NAV1: variants seen among roughly 807,000 people sequenced by gnomAD.
The protein encoded by NAV1 is pore membrane and/or filament interacting like protein 3.
Under a neutral mutation model 175.2 loss-of-function variants are expected in NAV1, and 18 were observed. The ratio of observed to expected loss-of-function variants is 0.10; its 90% CI spans 0.07 to 0.15. The LOEUF is 0.15. Ranked by LOEUF, NAV1 falls within the 10% of genes least tolerant of loss-of-function variation. The pLI is 1.00. For synonymous variants in NAV1, 897 were observed against 978.7 expected (o/e 0.92, Z 1.56); for missense variants, 1,731 against 2,436.6 (o/e 0.71, Z 6.10).
chr1:201,560,923 A>C (rs987149529), intron 1 of NAV1, among the ~76,000 whole-genome samples: 1 of 152,196 alleles, frequency 6.6e-6, no homozygotes, highest in Non-Finnish European at 1.5e-5. Context: ...CTCAGGGAAC[A>C]TAGTCAGCAT....
upstream of NAV1, among the ~76,000 whole-genome samples, chr1:201,644,328 C>G (rs1288059778): frequency 6.6e-6 from 1 of 152,190 alleles, no homozygotes; most frequent in Non-Finnish European, 1.5e-5. Flanking sequence ...TTAGGAATCA[C>G]TCGAGGAACC....
chr1:201,780,055 A>G (rs1470529816), intron 3 of NAV1, among the ~76,000 whole-genome samples: 1 of 152,240 alleles, frequency 6.6e-6, no homozygotes, highest in African/African-American at 2.4e-5. Context: ...CGCGTCTAAA[A>G]ATGAACAAAG....
intron 1 of NAV1, among the ~76,000 whole-genome samples, chr1:201,675,008 G>A (rs1051453842): frequency 1.3e-5 from 2 of 150,974 alleles, no homozygotes; most frequent in African/African-American, 4.9e-5. Context: ...TCACTGCCTG[G>A]GCAACAGAGT....
chr1:201,648,005 C>T (rs1669032334), upstream of NAV1, among the ~76,000 whole-genome samples: 1 of 151,628 alleles, frequency 6.6e-6, no homozygotes. Context: ...CCTTTATTTC[C>T]CCCTACCCCC....
chr1:201,772,848 A>G lies in NAV1; in HGVS notation c.1227-7573A>G, dbSNP rs953871661. Among the ~76,000 whole-genome samples, 14 of 152,196 alleles carry G rather than the reference A, an allele frequency of 9.2e-5. No homozygotes were observed. In the East Asian group the frequency reaches 2.3e-3, roughly 25 times the overall value. ...GGAGATCGAGACCATCCTGGCTAAC[A>G]CGGTGAAACCCCGTCTCTACTAAAA... is the stretch of plus-strand genomic sequence containing the variant. On this transcript the variant is annotated intron_variant, in intron 3 of 29. Coordinates refer to ENST00000367296, the Ensembl canonical transcript of NAV1.
chr1:201,687,081 C>T (rs1255485131), intron 1 of NAV1, among the ~76,000 whole-genome samples: 2 of 152,190 alleles, frequency 1.3e-5, no homozygotes, highest in Admixed American at 6.5e-5. Flanking sequence ...TATAAGCATA[C>T]GGTATTTAGG....
At chr1:201,730,657 A>T (rs1000770568) in intron 3 of NAV1, among the ~76,000 whole-genome samples, 2 of 152,148 alleles carry the variant, frequency 1.3e-5, no homozygotes, top group African/African-American at 4.8e-5. Context: ...CCCTTACATG[A>T]CCTCTCCATC....
At chr1:201,582,091 G>T (rs775746680) in intron 1 of NAV1, among the ~76,000 whole-genome samples, 2 of 152,118 alleles carry the variant, frequency 1.3e-5, no homozygotes, top group Non-Finnish European at 2.9e-5. Flanking sequence ...GTGAGACTCC[G>T]TCTCAAACAA....
chr1:201,616,573 C>T (rs549648692), intron 2 of NAV1, among the ~76,000 whole-genome samples: 3 of 152,194 alleles, frequency 2.0e-5, no homozygotes, highest in East Asian at 1.9e-4. Context: ...CTGCAACCTC[C>T]GCCTCCCAGG....
At chr1:201,570,489 T>G (rs139945454) in intron 1 of NAV1, among the ~76,000 whole-genome samples, 1,759 of 152,354 alleles carry the variant, frequency 0.012, 22 homozygotes, top group Non-Finnish European at 0.016. Context: ...TGGGAGTACC[T>G]GTCCTTATGC....
rs2142497 is a variant in NAV1, at chr1:201,587,643, C to T, written c.-143-896C>T. Among the ~76,000 whole-genome samples, 113 of 152,164 alleles carry T rather than the reference C, an allele frequency of 7.4e-4. 3 individuals carry two copies. In the East Asian group the frequency reaches 0.017, roughly 23 times the overall value. ...AGGTTGCAGTGAGCCAAGATCTCAC[C>T]ATTGCACTCCAGCCTGGGCAACACA... On this transcript the variant is annotated intron_variant, in intron 1 of 33. Coordinates refer to the NAV1 transcript ENST00000685211.
intron 1 of NAV1, among the ~76,000 whole-genome samples, chr1:201,552,786 C>G (rs115642950): frequency 6.6e-6 from 1 of 152,118 alleles, no homozygotes; most frequent in Non-Finnish European, 1.5e-5. Context: ...AGGGATGGAG[C>G]GAAGTCAAGG....
At chr1:201,608,963 C>T (rs906076123) in intron 2 of NAV1, among the ~76,000 whole-genome samples, 3 of 152,214 alleles carry the variant, frequency 2.0e-5, no homozygotes, top group Non-Finnish European at 4.4e-5. Flanking sequence ...TGCTGGAGAA[C>T]AGAAACACAT....
At chr1:201,615,275 T>TG (rs1667972025) in intron 2 of NAV1, among the ~76,000 whole-genome samples, 3 of 151,420 alleles carry the variant, frequency 2.0e-5, no homozygotes, top group Admixed American at 6.6e-5. Context: ...TTCTTTTTTT[T>TG]TTTGTTTGAG....
intron 3 of NAV1, among the ~76,000 whole-genome samples, chr1:201,773,342 CCCAG>C (rs1465349010): frequency 6.6e-6 from 1 of 152,200 alleles, no homozygotes; most frequent in Non-Finnish European, 1.5e-5. Flanking sequence ...AACCATCATG[CCCAG>C]CCAGGCTGCA....
intron 3 of NAV1, among the ~76,000 whole-genome samples, chr1:201,726,648 CAAAA>C (rs369489372): frequency 9.1e-6 from 1 of 110,038 alleles, no homozygotes; most frequent in Non-Finnish European, 1.9e-5. Context: ...AACTCCATCT[CAAAA>C]AAAAAAAAAA....
chr1:201,582,710 G>C (rs1666902386), intron 1 of NAV1, among the ~76,000 whole-genome samples: 1 of 152,220 alleles, frequency 6.6e-6, no homozygotes, highest in African/African-American at 2.4e-5. Context: ...ATCTCAGAGA[G>C]GTGGGCTTAC....
At chr1:201,706,893 C>A (rs948389122) in intron 1 of NAV1, among the ~76,000 whole-genome samples, 3 of 152,188 alleles carry the variant, frequency 2.0e-5, no homozygotes, top group African/African-American at 7.2e-5. Flanking sequence ...TCCCATGAGT[C>A]TCCTTCTTCC....
chr1:201,754,436 G>T (rs988684127), intron 3 of NAV1, among the ~76,000 whole-genome samples: 1 of 152,216 alleles, frequency 6.6e-6, no homozygotes, highest in African/African-American at 2.4e-5. Flanking sequence ...TAAATGCAAC[G>T]CAGAAGTCAG....
Sources: gnomAD v4.1 joint callset for allele counts (sites outside exome capture counted in the v4.1 genomes callset) on GRCh38, gnomAD v4.1.1 for gene constraint, MANE v1.5 for transcripts, NCBI Gene and HGNC (gene_info 2026-07-23, HGNC 2026-07-21) for gene names.